Variants in GMDS observed in about 807,000 individuals in gnomAD.
The protein encoded by GMDS is GDP-mannose 4,6 dehydratase.
In GMDS, 20 loss-of-function variants were observed where a neutral mutation model predicts 49.9. That is an observed-to-expected ratio of 0.40 (90% confidence interval 0.28 to 0.58). The LOEUF (loss-of-function observed/expected upper bound fraction) is 0.58, where lower values mean the gene tolerates loss of function less well. GMDS is among the 20% of genes least tolerant of loss of function. The pLI is 0.42. For missense variants in GMDS, 362 were observed against 481.4 expected, an observed-to-expected ratio of 0.75 and a Z score of 2.32; for synonymous variants, 177 against 178.6, an observed-to-expected ratio of 0.99 and a Z score of 0.07.
intron 9 of GMDS, among the ~76,000 whole-genome samples, chr6:1,681,714 G>C (rs913445413): frequency 2.0e-5 from 3 of 152,232 alleles, no homozygotes; most frequent in African/African-American, 7.2e-5. Flanking sequence ...ACACCACTCA[G>C]TGTGTCTGTG....
At chr6:2,063,642 A>C (rs1237744186) in intron 4 of GMDS, among the ~76,000 whole-genome samples, 1 of 152,268 alleles carries the variant, frequency 6.6e-6, no homozygotes, top group Admixed American at 6.5e-5. Flanking sequence ...GGCATGTTCC[A>C]AACTCAATAA....
At chr6:2,237,762 T>A (rs1489423578) in intron 1 of GMDS, among the ~76,000 whole-genome samples, 1 of 152,038 alleles carries the variant, frequency 6.6e-6, no homozygotes, top group Non-Finnish European at 1.5e-5. Flanking sequence ...CCTCAGGTGA[T>A]CTACCCACCT....
intron 7 of GMDS, among the ~76,000 whole-genome samples, chr6:1,886,946 C>A (rs979684611): frequency 6.6e-6 from 1 of 152,202 alleles, no homozygotes; most frequent in African/African-American, 2.4e-5. Flanking sequence ...CTTTCAATTG[C>A]TGAGCAAACT....
chr6:1,797,077 G>A (rs1769767142), intron 7 of GMDS, among the ~76,000 whole-genome samples: 1 of 152,208 alleles, frequency 6.6e-6, no homozygotes. Context: ...CCGCAAAGCA[G>A]GAGGTGAGCA....
intron 4 of GMDS, among the ~76,000 whole-genome samples, chr6:2,017,599 G>A (rs200195233): frequency 1.1e-4 from 17 of 152,150 alleles, no homozygotes; most frequent in East Asian, 3.9e-4. Context: ...GTGAGCTACC[G>A]TGTCCAGCCC....
chr6:1,641,425 T>C (rs1256176665), intron 9 of GMDS, among the ~76,000 whole-genome samples: 20 of 152,216 alleles, frequency 1.3e-4, no homozygotes, highest in Admixed American at 1.3e-3. Context: ...AAAAGCTTTA[T>C]CTTCTTCCTG....
At chr6:2,090,571 G>A (rs901363854) in intron 4 of GMDS, among the ~76,000 whole-genome samples, 1 of 151,996 alleles carries the variant, frequency 6.6e-6, no homozygotes, top group Non-Finnish European at 1.5e-5. Flanking sequence ...CTTATAAAAC[G>A]ACCTGTTTAA....
At chr6:2,036,426 T>C (rs976644017) in intron 4 of GMDS, among the ~76,000 whole-genome samples, 2 of 152,304 alleles carry the variant, frequency 1.3e-5, no homozygotes, top group East Asian at 1.9e-4. Context: ...AAAAAATCAC[T>C]GATTTTCAGA....
chr6:2,179,629 T>A (rs561732071), intron 1 of GMDS, among the ~76,000 whole-genome samples: 86 of 152,310 alleles, frequency 5.6e-4, no homozygotes, highest in Non-Finnish European at 9.6e-4. Context: ...TGATCAGACT[T>A]CTCAGCCTCC....
At chr6:1,802,166 TC>T (rs1769976280) in intron 7 of GMDS, among the ~76,000 whole-genome samples, 1 of 152,232 alleles carries the variant, frequency 6.6e-6, no homozygotes, top group East Asian at 1.9e-4. Flanking sequence ...AAAATCAGCT[TC>T]TTCAAATATT....
chr6:1,939,501 A>G (rs553126378), intron 6 of GMDS, among the ~76,000 whole-genome samples: 9 of 151,970 alleles, frequency 5.9e-5, no homozygotes, highest in African/African-American at 2.2e-4. Context: ...ATACATATAC[A>G]CACATGCATA....
In GMDS at chr6:1,722,757, A is replaced by G. The variant is rs146800116; in HGVS notation, c.987+3659T>C. Among the ~76,000 whole-genome samples, 1,406 of 152,344 alleles carry G rather than the reference A, an allele frequency of 9.2e-3. 7 individuals carry two copies. Among genetic ancestry groups the G allele is most frequent in the Middle Eastern group, 0.031 (9 of 294 alleles). On this transcript the variant is annotated intron_variant, in intron 9 of 10. Transcript: ENST00000380815. ...AACAGGCCCACATTTGAGCATAATT[A>G]CCACTTTCTCTCTAAGAATGAACAC...
intron 7 of GMDS, among the ~76,000 whole-genome samples, chr6:1,808,261 G>T (rs746900449): frequency 6.6e-6 from 1 of 152,192 alleles, no homozygotes; most frequent in Non-Finnish European, 1.5e-5. Context: ...CTGTTAGTTG[G>T]AAAATTGGGG....
At chr6:2,032,762 C>T (rs1769048153) in intron 4 of GMDS, among the ~76,000 whole-genome samples, 1 of 152,152 alleles carries the variant, frequency 6.6e-6, no homozygotes, top group Non-Finnish European at 1.5e-5. Flanking sequence ...CATTATAAAA[C>T]TGCTAATTCA....
chr6:2,066,727 A>T (rs1363788132), intron 4 of GMDS, among the ~76,000 whole-genome samples: 5 of 152,198 alleles, frequency 3.3e-5, no homozygotes, highest in East Asian at 1.9e-4. Flanking sequence ...TCCTAAATAT[A>T]TATGCGCCCA....
intron 4 of GMDS, among the ~76,000 whole-genome samples, chr6:2,060,882 T>A (rs1249327402): frequency 6.6e-6 from 1 of 151,756 alleles, no homozygotes; most frequent in Non-Finnish European, 1.5e-5. Context: ...TAGCCGGGCG[T>A]AGTGGCAGGC....
At chr6:2,182,865 C>A (rs1778615812) in intron 1 of GMDS, among the ~76,000 whole-genome samples, 1 of 152,088 alleles carries the variant, frequency 6.6e-6, no homozygotes, top group African/African-American at 2.4e-5. Flanking sequence ...CATCACCATG[C>A]CAGGCTAATT....
chr6:2,016,949 G>A (rs771012568), intron 4 of GMDS, among the ~76,000 whole-genome samples: 13 of 151,836 alleles, frequency 8.6e-5, no homozygotes, highest in Non-Finnish European at 1.6e-4. Context: ...TATAGAAAGA[G>A]CAGAAAGATC....
At chr6:1,909,075 G>A (rs1285148498) in intron 7 of GMDS, among the ~76,000 whole-genome samples, 3 of 152,178 alleles carry the variant, frequency 2.0e-5, no homozygotes, top group Non-Finnish European at 4.4e-5. Context: ...CACCGGTCAA[G>A]TTATAAACGT....
Sources: allele counts gnomAD v4.1 joint callset (sites outside exome capture counted in the v4.1 genomes callset), GRCh38; gene constraint gnomAD v4.1.1; transcripts MANE v1.5; gene names NCBI Gene and HGNC (gene_info 2026-07-23, HGNC 2026-07-21).